ZNF385D: variants seen among roughly 807,000 people sequenced by gnomAD.
ZNF385D encodes the protein zinc finger protein 385D.
A neutral mutation model predicts 35.8 loss-of-function variants in ZNF385D; 15 were observed. The observed-to-expected ratio is 0.42, with a 90% CI of 0.28 to 0.64. The LOEUF is 0.64. ZNF385D is among the 30% of genes least tolerant of loss of function. ZNF385D has a pLI of 0.23. For missense variants in ZNF385D, 474 were observed against 494.6 expected (o/e 0.96, Z 0.39); for synonymous variants, 212 against 186.8 (o/e 1.13, Z -1.10).
chr3:21,481,279 A>C (rs1036453840), intron 4 of ZNF385D, among the ~76,000 whole-genome samples: 43 of 152,334 alleles, frequency 2.8e-4, no homozygotes, highest in Non-Finnish European at 5.6e-4. Context: ...GCAAAAGTCC[A>C]ATTCTTAATA....
intron 3 of ZNF385D, among the ~76,000 whole-genome samples, chr3:21,523,660 T>A (rs529902179): frequency 6.6e-6 from 1 of 152,352 alleles, no homozygotes; most frequent in African/African-American, 2.4e-5. Context: ...TTAGGAAGTA[T>A]GCTTGGGAAT....
intron 2 of ZNF385D, among the ~76,000 whole-genome samples, chr3:22,172,006 G>A (rs1694485968): frequency 6.6e-6 from 1 of 151,988 alleles, no homozygotes; most frequent in African/African-American, 2.4e-5. Context: ...AAAACGACAT[G>A]CTTAAATTTT....
intron 2 of ZNF385D, among the ~76,000 whole-genome samples, chr3:21,582,220 C>T (rs2125708160): frequency 6.6e-6 from 1 of 152,260 alleles, no homozygotes; most frequent in South Asian, 2.1e-4. Context: ...GGTAAACAAA[C>T]TTCTGAACTC....
At chr3:21,635,650 A>T (rs144976126) in intron 2 of ZNF385D, among the ~76,000 whole-genome samples, 1 of 151,972 alleles carries the variant, frequency 6.6e-6, no homozygotes, top group African/African-American at 2.4e-5. Flanking sequence ...ATTTTGTTGC[A>T]TGCATCACCT....
chr3:21,642,242 A>G (rs540152697), intron 2 of ZNF385D, among the ~76,000 whole-genome samples: 4 of 152,228 alleles, frequency 2.6e-5, no homozygotes, highest in Admixed American at 2.0e-4. Context: ...TTTGCATTCC[A>G]TCGCAGAACT....
At chr3:22,200,835 G>A (rs942003259) in intron 2 of ZNF385D, among the ~76,000 whole-genome samples, 3 of 152,082 alleles carry the variant, frequency 2.0e-5, no homozygotes, top group Admixed American at 2.0e-4. Context: ...TCTCCCATTT[G>A]CTTTTGAAAG....
At chr3:22,298,374 ATG>A (rs372178423) in intron 2 of ZNF385D, among the ~76,000 whole-genome samples, 4,501 of 143,770 alleles carry the variant, frequency 0.031, 135 homozygotes, top group South Asian at 0.094. Context: ...AGCAGTATGT[ATG>A]TGTGTGTGTG....
At chr3:22,036,384 T>A (rs1181235829) in intron 3 of ZNF385D, among the ~76,000 whole-genome samples, 1 of 152,162 alleles carries the variant, frequency 6.6e-6, no homozygotes. Context: ...TTGGAATATG[T>A]CTTCTAAACA....
chr3:21,723,976 A>T (rs566584157), intron 1 of ZNF385D, among the ~76,000 whole-genome samples: 2 of 152,344 alleles, frequency 1.3e-5, no homozygotes, highest in East Asian at 3.9e-4. Flanking sequence ...ACAAGCCAGA[A>T]GAGAGTGGGG....
At chr3:21,441,859 A>G in intron 4 of ZNF385D, 4 of 375,118 alleles carry the variant, frequency 1.1e-5, no homozygotes, top group Non-Finnish European at 1.5e-5. Flanking sequence ...TGTGACAAGG[A>G]GTTAAAAATA....
At chr3:21,978,764 C>T (rs1047152909) in intron 3 of ZNF385D, among the ~76,000 whole-genome samples, 1 of 151,946 alleles carries the variant, frequency 6.6e-6, no homozygotes, top group Non-Finnish European at 1.5e-5. Context: ...AAAGTCTTCT[C>T]GGGGAGCAAG....
chr3:22,160,249 A>G (rs1303571028), intron 3 of ZNF385D, among the ~76,000 whole-genome samples: 1 of 152,144 alleles, frequency 6.6e-6, no homozygotes, highest in East Asian at 1.9e-4. Flanking sequence ...TGATATAGAT[A>G]AGGTATCATT....
chr3:22,040,987 G>A (rs1698630745), intron 3 of ZNF385D, among the ~76,000 whole-genome samples: 1 of 151,908 alleles, frequency 6.6e-6, no homozygotes, highest in African/African-American at 2.4e-5. Context: ...TCTTAGTATA[G>A]AAGCAGAGAA....
chr3:22,006,940 G>GA (rs35840229), intron 3 of ZNF385D, among the ~76,000 whole-genome samples: 2 of 150,444 alleles, frequency 1.3e-5, no homozygotes, highest in East Asian at 1.9e-4. Context: ...AGTTTGTGAG[G>GA]AAAAAAAAAG....
intron 1 of ZNF385D, among the ~76,000 whole-genome samples, chr3:21,676,219 G>A (rs1052014119): frequency 1.3e-5 from 2 of 152,060 alleles, no homozygotes; most frequent in African/African-American, 4.8e-5. Context: ...GGAACTGTGA[G>A]TTCTTGGATT....
At chr3:21,696,396 T>A (rs2067471541) in intron 1 of ZNF385D, among the ~76,000 whole-genome samples, 1 of 152,196 alleles carries the variant, frequency 6.6e-6, no homozygotes, top group African/African-American at 2.4e-5. Context: ...GTCCCTTACA[T>A]ACATGTCACA....
At chr3:22,007,512 G>A (rs1241330395) in intron 3 of ZNF385D, among the ~76,000 whole-genome samples, 8 of 152,180 alleles carry the variant, frequency 5.3e-5, no homozygotes, top group Non-Finnish European at 1.2e-4. Context: ...GCTATAAATG[G>A]CATTCATTGC....
intron 3 of ZNF385D, among the ~76,000 whole-genome samples, chr3:21,904,794 G>A (rs1447252658): frequency 6.6e-6 from 1 of 152,102 alleles, no homozygotes; most frequent in Non-Finnish European, 1.5e-5. Flanking sequence ...TTTGCATTAT[G>A]TCATTGGATT....
At chr3:21,767,254 G>C (rs1189720886) in intron 3 of ZNF385D, among the ~76,000 whole-genome samples, 3 of 152,044 alleles carry the variant, frequency 2.0e-5, no homozygotes, top group African/African-American at 7.2e-5. Context: ...TCTTAGGTTT[G>C]TGTAATCATC....
Sources: gnomAD v4.1 joint callset for allele counts (sites outside exome capture counted in the v4.1 genomes callset) on GRCh38, gnomAD v4.1.1 for gene constraint, MANE v1.5 for transcripts, NCBI Gene and HGNC (gene_info 2026-07-23, HGNC 2026-07-21) for gene names.